Variants in ITSN1 observed in about 807,000 individuals in gnomAD.
ITSN1 encodes intersectin 1.
ITSN1 carries 58 observed loss-of-function variants against 239.8 expected under a neutral mutation model. That is an observed-to-expected ratio of 0.24 (90% CI 0.20 to 0.30). The LOEUF (loss-of-function observed/expected upper bound fraction) is 0.30. ITSN1 is among the 10% of genes least tolerant of loss of function. ITSN1 has a pLI of 1.00. For missense variants in ITSN1, 1,558 were observed against 2,103.3 expected (o/e 0.74, Z 5.07); for synonymous variants, 780 against 770.8 (o/e 1.01, Z -0.20).
chr21:33,644,500 A>G (rs1435733184), intron 1 of ITSN1, among the ~76,000 whole-genome samples: 1 of 152,056 alleles, frequency 6.6e-6, no homozygotes. Flanking sequence ...CCGTCACAAA[A>G]CTCTTTTATT....
chr21:33,804,420 A>C (rs140340442), intron 20 of ITSN1, among the ~76,000 whole-genome samples: 2 of 152,354 alleles, frequency 1.3e-5, no homozygotes, highest in African/African-American at 4.8e-5. Flanking sequence ...AAATCTTTTT[A>C]GAAAAATCTA....
At chr21:33,689,933 A>C in intron 1 of ITSN1, among the ~76,000 whole-genome samples, 1 of 150,652 alleles carries the variant, frequency 6.6e-6, no homozygotes, top group East Asian at 2.0e-4. Context: ...GCACCACTGC[A>C]TTCCAGCATG....
chr21:33,862,340 C>T (rs78591533), intron 31 of ITSN1, among the ~76,000 whole-genome samples: 9,284 of 152,008 alleles, frequency 0.061, 387 homozygotes, highest in African/African-American at 0.12. Flanking sequence ...TCTTAAATAT[C>T]TGACTCATCT....
At chr21:33,661,857 G>GGCC (rs1267110212) in intron 1 of ITSN1, among the ~76,000 whole-genome samples, 1 of 151,520 alleles carries the variant, frequency 6.6e-6, no homozygotes, top group Non-Finnish European at 1.5e-5. Flanking sequence ...ATGATTATGA[G>GGCC]GCCTCCCCAG....
intron 20 of ITSN1, among the ~76,000 whole-genome samples, chr21:33,806,915 C>T (rs948038208): frequency 2.0e-5 from 3 of 152,142 alleles, no homozygotes; most frequent in African/African-American, 7.2e-5. Flanking sequence ...ATTGGATTGG[C>T]ATTTTGGGTA....
chr21:33,657,456 A>ATGTTGCTGTCGCCAGGGCTTT (rs2089188795), intron 1 of ITSN1, among the ~76,000 whole-genome samples: 2 of 152,270 alleles, frequency 1.3e-5, no homozygotes, highest in Middle Eastern at 3.4e-3. Flanking sequence ...TATCCTTAAA[A>ATGTTGCTGTCGCCAGGGCTTT]TGTTGCTGTC....
intron 1 of ITSN1, among the ~76,000 whole-genome samples, chr21:33,687,348 A>C (rs1387620499): frequency 6.7e-6 from 1 of 149,474 alleles, no homozygotes; most frequent in Non-Finnish European, 1.5e-5. Flanking sequence ...CAGTGAGCCA[A>C]GATCGTGCCA....
At chr21:33,683,672 A>C (rs1450963492) in intron 1 of ITSN1, among the ~76,000 whole-genome samples, 1 of 152,162 alleles carries the variant, frequency 6.6e-6, no homozygotes, top group Non-Finnish European at 1.5e-5. Context: ...ATGTTACTAA[A>C]AGGTACCTTT....
intron 1 of ITSN1, among the ~76,000 whole-genome samples, chr21:33,649,607 A>G (rs1290823597): frequency 6.6e-6 from 1 of 152,118 alleles, no homozygotes; most frequent in African/African-American, 2.4e-5. Context: ...TTTGTGTGGT[A>G]TGGGGTCTGC....
chr21:33,856,449 GTCT>G lies in ITSN1; in HGVS notation c.3662-280_3662-278del, dbSNP rs544081462. Among the ~76,000 whole-genome samples, 52 of 152,292 alleles carry G rather than the reference GTCT, an allele frequency of 3.4e-4. 1 individual carries two copies. In the South Asian group the frequency reaches 0.01, roughly 30 times the overall value. On this transcript the variant is annotated intron_variant, in intron 29 of 39. Transcript: ENST00000381318. Reference sequence around the variant, plus strand: ...CTCCAGGTTCTGCCTGTCTGTCTCTGTCTTCTTCTCATAAGGACACTGATCATA... The same window carrying G: ...CTCCAGGTTCTGCCTGTCTGTCTCTGTCTTCTCATAAGGACACTGATCATA...
intron 19 of ITSN1, among the ~76,000 whole-genome samples, chr21:33,801,863 C>T (rs773798246): frequency 6.6e-6 from 1 of 152,178 alleles, no homozygotes; most frequent in Non-Finnish European, 1.5e-5. Flanking sequence ...CTTGAGCCAG[C>T]GGGGTGTGTT....
intron 27 of ITSN1, among the ~76,000 whole-genome samples, chr21:33,831,813 C>T (rs1281713718): frequency 6.6e-6 from 1 of 152,168 alleles, no homozygotes; most frequent in Non-Finnish European, 1.5e-5. Flanking sequence ...TGATGGACAC[C>T]CATAAATGTC....
intron 1 of ITSN1, among the ~76,000 whole-genome samples, chr21:33,668,506 G>C (rs531271849): frequency 2.0e-5 from 3 of 152,284 alleles, no homozygotes; most frequent in South Asian, 2.1e-4. Context: ...CTTACTATCA[G>C]TCTTTACTAC....
intron 29 of ITSN1, among the ~76,000 whole-genome samples, chr21:33,849,557 C>A (rs1354851569): frequency 7.4e-6 from 1 of 134,856 alleles, no homozygotes; most frequent in Non-Finnish European, 1.5e-5. Context: ...CAGAGCAAGA[C>A]TCTGTCTCAA....
chr21:33,686,948 ATATTTCAACACAATTTGGACATGCTTCC>A (rs1171683700), intron 1 of ITSN1, among the ~76,000 whole-genome samples: 1 of 152,194 alleles, frequency 6.6e-6, no homozygotes. Context: ...AATGTGGTGG[ATATTTCAACACAATTTGGACATGCTTCC>A]TATATATTTT....
intron 36 of ITSN1, among the ~76,000 whole-genome samples, chr21:33,884,045 A>C (rs570178863): frequency 1.3e-5 from 2 of 151,926 alleles, no homozygotes; most frequent in South Asian, 2.1e-4. Flanking sequence ...GACTACAGGC[A>C]TGTGCTACCA....
At chr21:33,843,539 C>G (rs1166075162) in intron 29 of ITSN1, among the ~76,000 whole-genome samples, 1 of 152,192 alleles carries the variant, frequency 6.6e-6, no homozygotes, top group Non-Finnish European at 1.5e-5. Context: ...TCATTCCTGG[C>G]CTCCAGAAAA....
intron 19 of ITSN1, 78 bp downstream of exon 19, chr21:33,800,007 T>G (rs1320211504): frequency 3.5e-6 from 5 of 1,448,684 alleles, no homozygotes; most frequent in Non-Finnish European, 4.7e-6. Flanking sequence ...TATTCAACAA[T>G]TGTGAGATTG....
chr21:33,810,764 G>C lies in ITSN1; in HGVS notation c.2320-211G>C. The C allele has an allele frequency of 5.8e-6, 4 of 688,470 alleles. 1 individual carries two copies. In the South Asian group the frequency reaches 6.5e-5, roughly 11 times the overall value. The allele number at this position is 688,470 out of a possible 1,614,324, so 42.6% of individuals were successfully genotyped here. ...TTATGGGGTAAGGCTTTTTTAAAAAGTGCAGAGAATAAGAGCTTGAATTAT... is the reference window on the plus strand; with the variant it reads ...TTATGGGGTAAGGCTTTTTTAAAAACTGCAGAGAATAAGAGCTTGAATTAT... On this transcript the variant is annotated intron_variant, in intron 20 of 39. Coordinates refer to ENST00000381318, the MANE Select transcript of ITSN1 (RefSeq NM_003024.3).
Sources: gnomAD v4.1 joint callset for allele counts (sites outside exome capture counted in the v4.1 genomes callset) on GRCh38, gnomAD v4.1.1 for gene constraint, MANE v1.5 for transcripts, NCBI Gene and HGNC (gene_info 2026-07-23, HGNC 2026-07-21) for gene names.